PLPPR1: variants seen among roughly 807,000 people sequenced by gnomAD.
PLPPR1 encodes the protein phospholipid phosphatase related 1.
Under a neutral mutation model 33.1 loss-of-function variants are expected in PLPPR1, and 10 were observed. That is an observed-to-expected ratio of 0.30 (90% CI 0.19 to 0.51). PLPPR1 has a LOEUF of 0.51. Ranked by LOEUF, PLPPR1 falls within the 20% of genes least tolerant of loss-of-function variation. The probability of loss-of-function intolerance (pLI) is 0.97; values close to 1 mark genes in which losing one functional copy is unlikely to be tolerated. For missense variants in PLPPR1, 304 were observed against 408.1 expected (o/e 0.74, Z 2.20); for synonymous variants, 151 against 151.0 (o/e 1.00, Z 0.00).
At chr9:101,311,923 A>T (rs1564034785) in intron 5 of PLPPR1, among the ~76,000 whole-genome samples, 1 of 152,212 alleles carries the variant, frequency 6.6e-6, no homozygotes, top group African/African-American at 2.4e-5. Flanking sequence ...AAGTGTACTT[A>T]CATGAAAAAG....
At chr9:101,181,165 A>G (rs1826104674) in intron 1 of PLPPR1, among the ~76,000 whole-genome samples, 1 of 147,682 alleles carries the variant, frequency 6.8e-6, no homozygotes, top group Non-Finnish European at 1.5e-5. Context: ...TGTAATATAT[A>G]TCTAATATAT....
intron 1 of PLPPR1, among the ~76,000 whole-genome samples, chr9:101,072,178 T>G (rs577698750): frequency 6.6e-6 from 1 of 152,242 alleles, no homozygotes; most frequent in East Asian, 1.9e-4. Flanking sequence ...TGTTTGCCTC[T>G]CATTTTTGCA....
At chr9:101,120,117 T>C (rs1257840281) in intron 1 of PLPPR1, among the ~76,000 whole-genome samples, 1 of 152,216 alleles carries the variant, frequency 6.6e-6, no homozygotes, top group Non-Finnish European at 1.5e-5. Flanking sequence ...ACACCTAAAG[T>C]GATGTTCCAG....
At position 101,212,830 on chromosome 9, in the gene PLPPR1, G is replaced by A. The variant is rs113394497; in HGVS notation, c.63+27273G>A. Among the ~76,000 whole-genome samples the A allele has an allele frequency of 2.8e-3, 420 of 152,264 alleles. 10 individuals are homozygous for A. The highest frequency in any genetic ancestry group is 9.0e-3 in the African/African-American group (375 of 41,570). On this transcript the variant is annotated intron_variant, in intron 2 of 7. Coordinates refer to ENST00000374874, the MANE Select transcript of PLPPR1 (RefSeq NM_207299.2). ...ATGATGATGTTGTCAGTTGTAACAC[G>A]TTTCCTGTGTAATTCTCTTCCTCAC...
intron 2 of PLPPR1, among the ~76,000 whole-genome samples, chr9:101,227,573 C>T (rs1211541477): frequency 2.0e-5 from 3 of 152,106 alleles, no homozygotes; most frequent in Non-Finnish European, 2.9e-5. Flanking sequence ...AAAAGTTTCT[C>T]CCATTCTGTA....
intron 1 of PLPPR1, among the ~76,000 whole-genome samples, chr9:101,173,547 A>C (rs1393019181): frequency 6.6e-6 from 1 of 152,124 alleles, no homozygotes; most frequent in African/African-American, 2.4e-5. Context: ...TGTTTCCCCC[A>C]GTACAACAAG....
At chr9:101,254,106 G>A (rs1223653094) in intron 2 of PLPPR1, among the ~76,000 whole-genome samples, 1 of 151,948 alleles carries the variant, frequency 6.6e-6, no homozygotes, top group Non-Finnish European at 1.5e-5. Flanking sequence ...CCATGGACCA[G>A]GGGATAGGGA....
rs559089761 is a variant in PLPPR1, at chr9:101,137,969, T to C, written c.-45-47481T>C. On this transcript the variant is annotated intron_variant, in intron 1 of 7. Coordinates refer to ENST00000374874, the MANE Select transcript of PLPPR1 (RefSeq NM_207299.2). ...AATCCAGATCCTCTGACTAAAATCC[T>C]GAGCTTTTCTGCTGTACCAGGCTAC... Among the ~76,000 whole-genome samples the C allele has an allele frequency of 2.0e-5, 3 of 152,326 alleles. No individual in the cohort carries two copies. The East Asian group carries it at 5.8e-4, about 29-fold the overall frequency.
chr9:101,052,468 T>A (rs1830233227), intron 1 of PLPPR1, among the ~76,000 whole-genome samples: 1 of 152,166 alleles, frequency 6.6e-6, no homozygotes, highest in African/African-American at 2.4e-5. Flanking sequence ...TATAATATTT[T>A]ATAATCAATA....
chr9:101,166,080 A>G (rs942929966), intron 1 of PLPPR1, among the ~76,000 whole-genome samples: 3 of 152,214 alleles, frequency 2.0e-5, no homozygotes. Context: ...CTTAGAATTA[A>G]TTCCAAACTT....
intron 2 of PLPPR1, among the ~76,000 whole-genome samples, chr9:101,240,434 A>C (rs1388783013): frequency 6.7e-6 from 1 of 149,680 alleles, no homozygotes; most frequent in Non-Finnish European, 1.5e-5. Flanking sequence ...TTCTCTGAAG[A>C]ATATCATTGG....
intron 3 of PLPPR1, among the ~76,000 whole-genome samples, chr9:101,283,516 T>C (rs147896372): frequency 1.3e-5 from 2 of 152,308 alleles, no homozygotes; most frequent in African/African-American, 4.8e-5. Flanking sequence ...CAACTCAAAA[T>C]GGATTAAATA....
intron 1 of PLPPR1, among the ~76,000 whole-genome samples, chr9:101,099,598 A>G (rs902828736): frequency 2.0e-5 from 3 of 152,138 alleles, no homozygotes; most frequent in African/African-American, 7.2e-5. Context: ...CATTCCCTAG[A>G]CAATACGATA....
chr9:101,035,374 T>C (rs986016666), intron 1 of PLPPR1, among the ~76,000 whole-genome samples: 64 of 152,322 alleles, frequency 4.2e-4, no homozygotes, highest in African/African-American at 1.4e-3. Context: ...ATTACTGTGC[T>C]ATAATCAAAG....
rs563430023 is a variant in PLPPR1, at chr9:101,137,347, A to G, written c.-45-48103A>G. Among the ~76,000 whole-genome samples the G allele has an allele frequency of 2.0e-4, 31 of 152,288 alleles. No individual in the cohort carries two copies. The South Asian group carries it at 6.4e-3, about 32-fold the overall frequency. ...CAGGTGAAAAAGAAAGTCAGGGAGG[A>G]GAAGAGCACAGGTCACAAGGAATGG... On this transcript the variant is annotated intron_variant, in intron 1 of 7. Coordinates refer to ENST00000374874, the MANE Select transcript of PLPPR1 (RefSeq NM_207299.2).
chr9:101,029,356 A>G (rs1829911850), intron 1 of PLPPR1, among the ~76,000 whole-genome samples: 1 of 152,102 alleles, frequency 6.6e-6, no homozygotes, highest in Non-Finnish European at 1.5e-5. Context: ...CTTTCCTTCC[A>G]TGTCATCTGG....
At chr9:101,247,441 G>GC (rs1827631989) in intron 2 of PLPPR1, among the ~76,000 whole-genome samples, 2 of 152,142 alleles carry the variant, frequency 1.3e-5, no homozygotes, top group South Asian at 2.1e-4. Flanking sequence ...AAGGAAGGGG[G>GC]CCTCAAGAGA....
chr9:101,257,784 C>T (rs2118875228), intron 2 of PLPPR1, among the ~76,000 whole-genome samples: 1 of 151,980 alleles, frequency 6.6e-6, no homozygotes, highest in African/African-American at 2.4e-5. Flanking sequence ...CATAGCCCAT[C>T]CATAATGATT....
chr9:101,125,911 C>T, intron 1 of PLPPR1: 1 of 370,224 alleles, frequency 2.7e-6, no homozygotes, highest in African/African-American at 2.1e-5. Context: ...ACATTCAGCC[C>T]ATATCATGCC....
Sources: allele counts gnomAD v4.1 joint callset (sites outside exome capture counted in the v4.1 genomes callset), GRCh38; gene constraint gnomAD v4.1.1; transcripts MANE v1.5; gene names NCBI Gene and HGNC (gene_info 2026-07-23, HGNC 2026-07-21).